Variants in GRM8 observed in about 807,000 individuals in gnomAD.
GRM8 encodes glutamate metabotropic receptor 8, also known as metabotropic glutamate receptor 8.
Under a neutral mutation model 87.2 loss-of-function variants are expected in GRM8, and 47 were observed. That is an observed-to-expected ratio of 0.54 (90% CI 0.43 to 0.69). The LOEUF (loss-of-function observed/expected upper bound fraction) is 0.69. Ranked by LOEUF, GRM8 falls within the 30% of genes least tolerant of loss-of-function variation. The pLI, the probability that GRM8 is intolerant of heterozygous loss-of-function variation, is 0.00. For synonymous variants in GRM8, 396 were observed against 404.5 expected (o/e 0.98, Z 0.25); for missense variants, 1,019 against 1,139.2 (o/e 0.89, Z 1.52).
intron 7 of GRM8, among the ~76,000 whole-genome samples, chr7:126,757,146 T>C (rs780044690): frequency 1.1e-4 from 17 of 152,144 alleles, no homozygotes; most frequent in African/African-American, 1.4e-4. Flanking sequence ...GGTAGAAATA[T>C]ATTTTATCTT....
At chr7:126,899,104 A>AGTGTGTGTGTGTGTGTGTGT (rs71177573) in intron 6 of GRM8, among the ~76,000 whole-genome samples, 2,420 of 140,292 alleles carry the variant, frequency 0.017, 34 homozygotes, top group East Asian at 0.039. Flanking sequence ...ACTGGTTAAC[A>AGTGTGTGTGTGTGTGTGTGT]GTGTGTGTGT....
At chr7:126,833,594 G>A (rs1795585154) in intron 6 of GRM8, among the ~76,000 whole-genome samples, 1 of 152,134 alleles carries the variant, frequency 6.6e-6, no homozygotes, top group Non-Finnish European at 1.5e-5. Context: ...TATCACATGA[G>A]AGACAGAGAG....
chr7:127,097,554 C>A (rs989995878), intron 3 of GRM8, among the ~76,000 whole-genome samples: 3 of 152,164 alleles, frequency 2.0e-5, no homozygotes, highest in African/African-American at 7.2e-5. Context: ...ACATACCTAC[C>A]ATCTTTATGA....
chr7:127,049,397 T>C (rs879805979), intron 3 of GRM8, among the ~76,000 whole-genome samples: 1 of 152,190 alleles, frequency 6.6e-6, no homozygotes, highest in African/African-American at 2.4e-5. Context: ...TCGTGTTGAG[T>C]TTGTAAACCA....
At chr7:126,932,061 G>T (rs982762916) in intron 3 of GRM8, among the ~76,000 whole-genome samples, 6 of 151,648 alleles carry the variant, frequency 4.0e-5, no homozygotes, top group African/African-American at 1.5e-4. Flanking sequence ...AAACTTAAGG[G>T]TAATCTTGGG....
chr7:126,881,811 T>C (rs1800047050), intron 6 of GRM8, among the ~76,000 whole-genome samples: 1 of 152,206 alleles, frequency 6.6e-6, no homozygotes, highest in African/African-American at 2.4e-5. Context: ...AAAAACTGTG[T>C]ATAAAATATC....
chr7:126,673,027 G>A (rs1379688432), intron 7 of GRM8, among the ~76,000 whole-genome samples: 2 of 152,146 alleles, frequency 1.3e-5, no homozygotes, highest in African/African-American at 4.8e-5. Flanking sequence ...CCAGGTGGGA[G>A]GGGGTGCCTG....
At chr7:126,723,248 T>C (rs1812624288) in intron 7 of GRM8, among the ~76,000 whole-genome samples, 1 of 151,958 alleles carries the variant, frequency 6.6e-6, no homozygotes, top group Admixed American at 6.6e-5. Context: ...AGAAATATCT[T>C]CTTCACAATT....
intron 2 of GRM8, 52 bp downstream of exon 2, chr7:127,242,643 T>G (rs568566584): frequency 3.3e-6 from 5 of 1,524,948 alleles, no homozygotes; most frequent in South Asian, 2.4e-5. Context: ...GTAGGAGTCA[T>G]AGCATTTCAT....
intron 3 of GRM8, among the ~76,000 whole-genome samples, chr7:127,005,331 A>G (rs1450362784): frequency 6.6e-6 from 1 of 151,604 alleles, no homozygotes; most frequent in African/African-American, 2.4e-5. Context: ...CTCTACATCT[A>G]GTATCTTTTC....
chr7:126,580,864 C>T (rs1414117982), intron 8 of GRM8, among the ~76,000 whole-genome samples: 2 of 151,828 alleles, frequency 1.3e-5, no homozygotes, highest in Non-Finnish European at 2.9e-5. Context: ...AAAAGGAATT[C>T]GTAGTTAAAA....
chr7:126,942,688 A>C (rs1807089346), intron 3 of GRM8, among the ~76,000 whole-genome samples: 1 of 152,190 alleles, frequency 6.6e-6, no homozygotes, highest in South Asian at 2.1e-4. Context: ...GTATAATTAA[A>C]TATTGCTCAG....
At chr7:126,873,973 C>G (rs540632504) in intron 6 of GRM8, among the ~76,000 whole-genome samples, 35 of 152,038 alleles carry the variant, frequency 2.3e-4, no homozygotes, top group African/African-American at 8.2e-4. Context: ...ATGGGTTACC[C>G]CTGCCATGAA....
At chr7:127,018,457 C>T (rs1159543473) in intron 3 of GRM8, among the ~76,000 whole-genome samples, 1 of 148,838 alleles carries the variant, frequency 6.7e-6, no homozygotes, top group Non-Finnish European at 1.5e-5. Context: ...ATTTACCATC[C>T]TAGTCCAAAA....
intron 3 of GRM8, among the ~76,000 whole-genome samples, chr7:126,911,914 G>A (rs559456749): frequency 6.6e-6 from 1 of 152,296 alleles, no homozygotes; most frequent in Non-Finnish European, 1.5e-5. Flanking sequence ...GAAAAGATTG[G>A]CTGGGCGGGG....
chr7:127,186,819 G>T (rs1467122096), intron 2 of GRM8, among the ~76,000 whole-genome samples: 1 of 152,200 alleles, frequency 6.6e-6, no homozygotes, highest in Non-Finnish European at 1.5e-5. Flanking sequence ...AACCCCAGAA[G>T]TTGGTTATGC....
intron 9 of GRM8, among the ~76,000 whole-genome samples, chr7:126,509,500 C>T (rs1462227350): frequency 6.6e-6 from 1 of 152,026 alleles, no homozygotes; most frequent in African/African-American, 2.4e-5. Context: ...AAGACAAATA[C>T]ACTGTAGAAA....
chr7:126,550,063 A>G (rs1296778708), intron 8 of GRM8, among the ~76,000 whole-genome samples: 1 of 152,158 alleles, frequency 6.6e-6, no homozygotes, highest in Non-Finnish European at 1.5e-5. Context: ...ACTGTTAGAA[A>G]AATGACAAAT....
intron 3 of GRM8, among the ~76,000 whole-genome samples, chr7:126,912,022 G>A (rs147550275): frequency 0.014 from 2,120 of 151,916 alleles, 45 homozygotes; most frequent in African/African-American, 0.048. Flanking sequence ...GCGAAACCCC[G>A]TCTCTACTAA....
Sources: gnomAD v4.1 joint callset for allele counts (sites outside exome capture counted in the v4.1 genomes callset) on GRCh38, gnomAD v4.1.1 for gene constraint, MANE v1.5 for transcripts, NCBI Gene and HGNC (gene_info 2026-07-23, HGNC 2026-07-21) for gene names.